UVRAG: variants seen among roughly 807,000 people sequenced by gnomAD.
UVRAG encodes the protein UV radiation resistance associated, also known as UV radiation resistance-associated gene protein.
UVRAG carries 19 observed loss-of-function variants against 78.0 expected under a neutral mutation model. That is an observed-to-expected ratio of 0.24 (90% CI 0.17 to 0.36). The LOEUF is 0.36. Ranked by LOEUF, UVRAG falls within the 10% of genes least tolerant of loss-of-function variation. UVRAG has a pLI of 1.00. For missense variants in UVRAG, 740 were observed against 853.8 expected (o/e 0.87, Z 1.66); for synonymous variants, 323 against 324.6 (o/e 1.00, Z 0.05).
chr11:76,143,259 C>T lies in UVRAG; in HGVS notation c.*1846C>T, dbSNP rs551294330. ...CAACCCCGTGGGACTTACGATTGCC[C>T]CAGGTGCGGGATGGACTTAAATGTC... is the stretch of plus-strand genomic sequence containing the variant. On this transcript the variant is annotated 3_prime_UTR_variant, in exon 15 of 15. Coordinates refer to ENST00000356136, the MANE Select transcript of UVRAG (RefSeq NM_003369.4). The T allele has an allele frequency of 2.0e-5, 3 of 152,182 alleles. No homozygotes were observed. The highest frequency in any genetic ancestry group is 2.9e-5 in the Non-Finnish European group (2 of 68,044). The allele number at this position is 152,182 out of a possible 1,614,324, so 9.4% of individuals were successfully genotyped here.
At chr11:75,875,470 GT>G (rs111600154) in intron 3 of UVRAG, among the ~76,000 whole-genome samples, 10,104 of 137,216 alleles carry the variant, frequency 0.074, 448 homozygotes, top group African/African-American at 0.15. Context: ...CTGTGAATTA[GT>G]TTTTTTTTTT....
intron 2 of UVRAG, among the ~76,000 whole-genome samples, chr11:75,860,418 T>C (rs1411279227): frequency 6.6e-6 from 1 of 152,238 alleles, no homozygotes; most frequent in Admixed American, 6.5e-5. Flanking sequence ...AACAGTAATA[T>C]ATACTTTAAT....
intron 5 of UVRAG, among the ~76,000 whole-genome samples, chr11:75,894,802 C>CA (rs375833755): frequency 0.063 from 3,748 of 59,944 alleles, 82 homozygotes; most frequent in African/African-American, 0.089. Flanking sequence ...CCGTCTCTAC[C>CA]AAAAAAAAAA....
At chr11:76,006,122 A>G (rs1949933514) in intron 9 of UVRAG, among the ~76,000 whole-genome samples, 1 of 152,118 alleles carries the variant, frequency 6.6e-6, no homozygotes, top group South Asian at 2.1e-4. Context: ...CATAGCATAA[A>G]CTGTGGTGTA....
chr11:75,963,125 A>G (rs1193878957), intron 7 of UVRAG, among the ~76,000 whole-genome samples: 2 of 152,172 alleles, frequency 1.3e-5, no homozygotes, highest in South Asian at 2.1e-4. Context: ...TTTATTCTGT[A>G]TAATATTCAT....
intron 2 of UVRAG, among the ~76,000 whole-genome samples, chr11:75,860,244 C>T (rs1204544671): frequency 6.6e-6 from 1 of 152,224 alleles, no homozygotes; most frequent in Non-Finnish European, 1.5e-5. Context: ...CACACCCAGC[C>T]CCCAAGTTAA....
At chr11:76,125,152 A>C (rs554493208) in intron 14 of UVRAG, among the ~76,000 whole-genome samples, 2 of 152,370 alleles carry the variant, frequency 1.3e-5, no homozygotes, top group East Asian at 3.9e-4. Context: ...TTTTAAATTT[A>C]GATCAAATAA....
At chr11:75,911,237 T>G (rs901875262) in intron 5 of UVRAG, 1 of 161,566 alleles carries the variant, frequency 6.2e-6, no homozygotes, top group Non-Finnish European at 1.4e-5. Context: ...TGGTGGTACA[T>G]GGATCGAGGG....
chr11:76,111,773 T>G (rs76980390), intron 13 of UVRAG, among the ~76,000 whole-genome samples: 1 of 151,466 alleles, frequency 6.6e-6, no homozygotes, highest in Non-Finnish European at 1.5e-5. Flanking sequence ...CAATGAACCC[T>G]CCCCCCACAG....
At position 76,112,305 on chromosome 11, in the gene UVRAG, G is replaced by C. The variant is rs535281891; in HGVS notation, c.1306-3619G>C. Reference sequence around the variant, plus strand: ...AAAGAAATACTTTGGAACTACCTAAGAAAAAGTATTTGCAGCCATGAGTTC... The same window carrying C: ...AAAGAAATACTTTGGAACTACCTAACAAAAAGTATTTGCAGCCATGAGTTC... On this transcript the variant is annotated intron_variant, in intron 13 of 14. Coordinates refer to ENST00000356136, the MANE Select transcript of UVRAG (RefSeq NM_003369.4). 3.0e-4 allele frequency among the ~76,000 whole-genome samples: 46 copies of C among 152,242 alleles called. 1 individual carries two copies. Among genetic ancestry groups the C allele is most frequent in the African/African-American group, 1.1e-3 (46 of 41,552 alleles).
At chr11:75,971,245 T>C (rs552077805) in intron 7 of UVRAG, among the ~76,000 whole-genome samples, 2 of 152,358 alleles carry the variant, frequency 1.3e-5, no homozygotes, top group South Asian at 4.1e-4. Context: ...TCTGTTGACC[T>C]ATTGAAGTAT....
At chr11:75,967,004 A>G (rs539875521) in intron 7 of UVRAG, among the ~76,000 whole-genome samples, 7 of 152,290 alleles carry the variant, frequency 4.6e-5, no homozygotes, top group African/African-American at 1.7e-4. Flanking sequence ...CTGGTCAGAA[A>G]GGAAGTTGAC....
At chr11:76,068,667 C>G (rs1951243352) in intron 13 of UVRAG, among the ~76,000 whole-genome samples, 1 of 152,194 alleles carries the variant, frequency 6.6e-6, no homozygotes, top group South Asian at 2.1e-4. Context: ...TGTTCTGTCT[C>G]TCGCTGTTTC....
At chr11:76,042,303 A>G (rs954458641) in intron 12 of UVRAG, among the ~76,000 whole-genome samples, 5 of 152,258 alleles carry the variant, frequency 3.3e-5, no homozygotes, top group African/African-American at 1.2e-4. Context: ...AAGTTGCAGA[A>G]TGGTACGTAT....
intron 5 of UVRAG, among the ~76,000 whole-genome samples, chr11:75,893,445 CTT>C (rs1449132607): frequency 6.6e-6 from 1 of 151,492 alleles, no homozygotes; most frequent in East Asian, 1.9e-4. Flanking sequence ...AACTGCAGAA[CTT>C]TAAGAATAAT....
At chr11:76,101,251 C>A (rs1460784712) in intron 13 of UVRAG, among the ~76,000 whole-genome samples, 1 of 152,002 alleles carries the variant, frequency 6.6e-6, no homozygotes. Flanking sequence ...TCAACTTTGC[C>A]AGCATCTATT....
At chr11:75,995,923 G>A (rs1318748998) in intron 8 of UVRAG, among the ~76,000 whole-genome samples, 1 of 152,008 alleles carries the variant, frequency 6.6e-6, no homozygotes, top group Non-Finnish European at 1.5e-5. Context: ...AAAAAGTCTG[G>A]ACCTGAGGAC....
chr11:76,045,949 A>G (rs1251260563), intron 12 of UVRAG, among the ~76,000 whole-genome samples: 1 of 152,190 alleles, frequency 6.6e-6, no homozygotes, highest in African/African-American at 2.4e-5. Context: ...AAAAGCCCAC[A>G]CTAAGGTACA....
At chr11:76,095,145 T>G (rs1951766272) in intron 13 of UVRAG, among the ~76,000 whole-genome samples, 1 of 152,190 alleles carries the variant, frequency 6.6e-6, no homozygotes. Flanking sequence ...GAAAAAGAAC[T>G]GTTGCCTGGC....
Sources: gnomAD v4.1 joint callset for allele counts (sites outside exome capture counted in the v4.1 genomes callset) on GRCh38, gnomAD v4.1.1 for gene constraint, MANE v1.5 for transcripts, NCBI Gene and HGNC (gene_info 2026-07-23, HGNC 2026-07-21) for gene names.